Variants in CTNNA3 observed in about 807,000 individuals in gnomAD.
The protein encoded by CTNNA3 is catenin alpha 3, also known as catenin alpha-3.
A neutral mutation model predicts 95.7 loss-of-function variants in CTNNA3; 76 were observed. The ratio of observed to expected loss-of-function variants is 0.79; its 90% CI spans 0.66 to 0.96. CTNNA3 has a LOEUF of 0.96. Among genes scored for constraint, CTNNA3 ranks in the 40% least tolerant of loss-of-function variants. The pLI is 0.00. For synonymous variants in CTNNA3, 431 were observed against 374.4 expected (o/e 1.15, Z -1.74); for missense variants, 1,191 against 1,089.8 (o/e 1.09, Z -1.31).
At chr10:66,752,600 G>A (rs879828062) in intron 9 of CTNNA3, among the ~76,000 whole-genome samples, 8 of 151,946 alleles carry the variant, frequency 5.3e-5, no homozygotes, top group African/African-American at 1.7e-4. Context: ...GAAATTAAAT[G>A]TTCTGCCATG....
At chr10:66,851,454 G>A (rs773670705) in intron 7 of CTNNA3, among the ~76,000 whole-genome samples, 4 of 152,096 alleles carry the variant, frequency 2.6e-5, no homozygotes, top group Non-Finnish European at 5.9e-5. Flanking sequence ...ATCTCATGTC[G>A]AATTATAATC....
At chr10:67,493,070 T>G (rs1838904751) in intron 5 of CTNNA3, among the ~76,000 whole-genome samples, 1 of 152,184 alleles carries the variant, frequency 6.6e-6, no homozygotes, top group Non-Finnish European at 1.5e-5. Context: ...TTAGCTGCAT[T>G]TTGAAGATCC....
intron 7 of CTNNA3, among the ~76,000 whole-genome samples, chr10:66,933,531 T>C (rs144832898): frequency 1.2e-4 from 18 of 152,300 alleles, no homozygotes; most frequent in East Asian, 7.7e-4. Context: ...GACATCATTA[T>C]TGAGCAAAAA....
chr10:66,554,291 T>A (rs1842323828), intron 10 of CTNNA3, among the ~76,000 whole-genome samples: 1 of 152,194 alleles, frequency 6.6e-6, no homozygotes, highest in Non-Finnish European at 1.5e-5. Context: ...TTATCTTTGA[T>A]TTAGCTTTAT....
intron 5 of CTNNA3, among the ~76,000 whole-genome samples, chr10:67,262,976 C>T (rs2132395881): frequency 6.6e-6 from 1 of 152,170 alleles, no homozygotes; most frequent in Non-Finnish European, 1.5e-5. Flanking sequence ...TGTATAAGTT[C>T]AAGTAATTAA....
chr10:66,845,401 T>A (rs1296613433), intron 7 of CTNNA3, among the ~76,000 whole-genome samples: 1 of 152,062 alleles, frequency 6.6e-6, no homozygotes, highest in Admixed American at 6.5e-5. Context: ...CTAAAACTGA[T>A]ACATAAAAAT....
intron 13 of CTNNA3, among the ~76,000 whole-genome samples, chr10:66,156,877 T>A (rs183043104): frequency 1.3e-5 from 2 of 152,028 alleles, no homozygotes; most frequent in Admixed American, 1.3e-4. Context: ...GGATCATGTA[T>A]AATTTTGAAT....
chr10:66,424,466 C>A (rs2132643725), intron 11 of CTNNA3, among the ~76,000 whole-genome samples: 1 of 152,070 alleles, frequency 6.6e-6, no homozygotes, highest in South Asian at 2.1e-4. Context: ...GATTTAGACG[C>A]ATTCAGTTGC....
chr10:66,989,174 G>T (rs994436442), intron 7 of CTNNA3, among the ~76,000 whole-genome samples: 1 of 152,072 alleles, frequency 6.6e-6, no homozygotes, highest in Non-Finnish European at 1.5e-5. Context: ...TCTTTTTGAA[G>T]GTAATGCCAA....
At chr10:67,378,778 T>C (rs1349654871) in intron 5 of CTNNA3, among the ~76,000 whole-genome samples, 1 of 152,210 alleles carries the variant, frequency 6.6e-6, no homozygotes, top group Non-Finnish European at 1.5e-5. Flanking sequence ...ATATACACAA[T>C]GGTGTATATA....
intron 9 of CTNNA3, among the ~76,000 whole-genome samples, chr10:66,701,497 C>A (rs2132572207): frequency 6.6e-6 from 1 of 152,276 alleles, no homozygotes; most frequent in South Asian, 2.1e-4. Flanking sequence ...AGTTTAACAT[C>A]ATAATCTGCA....
At chr10:66,634,195 G>T (rs996145993) in intron 9 of CTNNA3, among the ~76,000 whole-genome samples, 1 of 152,060 alleles carries the variant, frequency 6.6e-6, no homozygotes, top group African/African-American at 2.4e-5. Context: ...ATCTATACCT[G>T]TATGTGAATT....
intron 9 of CTNNA3, among the ~76,000 whole-genome samples, chr10:66,675,698 T>C (rs1846828673): frequency 6.6e-6 from 1 of 152,086 alleles, no homozygotes; most frequent in South Asian, 2.1e-4. Flanking sequence ...TGGTCAAGAG[T>C]GGTTATGTGA....
At chr10:66,482,144 A>G (rs1014409246) in intron 11 of CTNNA3, among the ~76,000 whole-genome samples, 3 of 152,134 alleles carry the variant, frequency 2.0e-5, no homozygotes, top group Non-Finnish European at 4.4e-5. Flanking sequence ...AACATCTAAG[A>G]CTGGAACTTA....
At chr10:66,271,952 T>C (rs529470057) in intron 13 of CTNNA3, among the ~76,000 whole-genome samples, 5 of 152,204 alleles carry the variant, frequency 3.3e-5, no homozygotes, top group Non-Finnish European at 7.3e-5. Context: ...AAAAGTTTCT[T>C]CAAATGGGAT....
intron 2 of CTNNA3, among the ~76,000 whole-genome samples, chr10:67,647,177 T>TATATATATATATATATATATATA (rs1564807136): frequency 7.0e-6 from 1 of 142,440 alleles, no homozygotes; most frequent in Non-Finnish European, 1.5e-5. Context: ...TATATATATA[T>TATATATATATATATATATATATA]TATTACTGCT....
intron 9 of CTNNA3, among the ~76,000 whole-genome samples, chr10:66,646,971 G>C (rs986817959): frequency 6.6e-6 from 1 of 151,618 alleles, no homozygotes; most frequent in African/African-American, 2.4e-5. Flanking sequence ...ACTTTGAGAG[G>C]GTTTGAAGGC....
intron 5 of CTNNA3, among the ~76,000 whole-genome samples, chr10:67,474,930 T>C (rs905971760): frequency 6.6e-6 from 1 of 152,182 alleles, no homozygotes; most frequent in African/African-American, 2.4e-5. Context: ...TGGATATTTA[T>C]CCAAGTAAAA....
rs545505527 is a variant in CTNNA3, at chr10:66,912,610, T to A, written c.1048-137086A>T. On this transcript the variant is annotated intron_variant, in intron 7 of 17. Coordinates refer to ENST00000433211, the MANE Select transcript of CTNNA3 (RefSeq NM_013266.4). ...ATGAACACAACACCAGGAAGAGTCA[T>A]CCTATTTCCACCAAATACATTCCCT... Among the ~76,000 whole-genome samples the A allele has an allele frequency of 3.3e-5, 5 of 152,254 alleles. No individual in the cohort carries two copies. The East Asian group carries it at 9.6e-4, about 29-fold the overall frequency.
Sources: gnomAD v4.1 joint callset for allele counts (sites outside exome capture counted in the v4.1 genomes callset) on GRCh38, gnomAD v4.1.1 for gene constraint, MANE v1.5 for transcripts, NCBI Gene and HGNC (gene_info 2026-07-23, HGNC 2026-07-21) for gene names.